ITGB2: variants seen among roughly 807,000 people sequenced by gnomAD.
ITGB2 encodes integrin subunit beta 2.
A neutral mutation model predicts 86.8 loss-of-function variants in ITGB2; 56 were observed. That is an observed-to-expected ratio of 0.65 (90% CI 0.52 to 0.81). The LOEUF is 0.81. Ranked by LOEUF, ITGB2 falls within the 30% of genes least tolerant of loss-of-function variation. ITGB2 has a pLI of 0.00. For missense variants in ITGB2, 948 were observed against 1,061.2 expected (o/e 0.89, Z 1.48); for synonymous variants, 457 against 450.4 (o/e 1.01, Z -0.19).
At chr21:44,922,669 A>G (rs951569533), upstream of ITGB2, among the ~76,000 whole-genome samples, 2 of 151,916 alleles carry the variant, frequency 1.3e-5, no homozygotes, top group Non-Finnish European at 2.9e-5. Flanking sequence ...AAAAAAAAAA[A>G]AAAAAAAAGG....
At chr21:44,917,516 G>A (rs1340723796) in intron 1 of ITGB2, among the ~76,000 whole-genome samples, 1 of 152,200 alleles carries the variant, frequency 6.6e-6, no homozygotes, top group Non-Finnish European at 1.5e-5. Flanking sequence ...TGGCTTTCTT[G>A]TTCCCACTGT....
At chr21:44,907,542 C>T (rs886845488) in intron 3 of ITGB2, among the ~76,000 whole-genome samples, 2 of 152,216 alleles carry the variant, frequency 1.3e-5, no homozygotes, top group African/African-American at 2.4e-5. Context: ...GGGCCAAGCC[C>T]CTCAAAGTTT....
At chr21:44,920,949 C>T (rs1462665650), upstream of ITGB2, 1 of 152,366 alleles carries the variant, frequency 6.6e-6, no homozygotes, top group African/African-American at 2.4e-5. Context: ...ACTTCCTGTT[C>T]CTCTCAGCTC....
intron 5 of ITGB2, 170 bp from the exon 6 acceptor site, chr21:44,901,903 A>T: frequency 1.4e-6 from 1 of 711,464 alleles, no homozygotes; most frequent in Admixed American, 2.9e-5. Flanking sequence ...GTGCAAGCAC[A>T]CATGTGAACG....
chr21:44,889,941 A>C, intron 12 of ITGB2, 37 bp downstream of exon 12: 1 of 1,611,266 alleles, frequency 6.2e-7, no homozygotes. Context: ...TCTGTGCCGC[A>C]GGACGGCCGT....
At position 44,886,409 on chromosome 21, in the gene ITGB2, C is replaced by T. The variant is rs1421408165; in HGVS notation, c.2269G>A (p.Ala757Thr). Residue 757 changes from alanine to threonine, a missense_variant, in exon 16 of 16, where the codon GCC becomes ACC. Ala to Thr is a moderately conservative substitution (Grantham distance 58). Transcript: ENST00000652462. ...TTGGGGTTCATGACCGTCGTGGTGG[C>T]GCTCTTGAAAAGGGGATTATCCTGG... The part of the protein sequence containing the change: ...WNNDNPLFKS[A>T]TTTVMNPKFA... 3 of 1,614,110 alleles carry T rather than the reference C, an allele frequency of 1.9e-6. No homozygotes were observed. Among genetic ancestry groups the T allele is most frequent in the South Asian group, 1.1e-5 (1 of 91,082 alleles).
intron 2 of ITGB2, 127 bp from the exon 3 acceptor site, chr21:44,910,499 G>A (rs1455166140): frequency 8.4e-6 from 13 of 1,546,736 alleles, no homozygotes; most frequent in African/African-American, 4.1e-5. Context: ...AGGAGACCCC[G>A]CATTCGCCAC....
At chr21:44,906,048 C>T (rs761995230) in intron 4 of ITGB2, among the ~76,000 whole-genome samples, 13 of 152,064 alleles carry the variant, frequency 8.5e-5, no homozygotes, top group Non-Finnish European at 1.8e-4. Flanking sequence ...GGTCACAGGT[C>T]GGTGGCCACA....
At chr21:44,915,617 A>G (rs1267348171) in intron 1 of ITGB2, among the ~76,000 whole-genome samples, 1 of 152,200 alleles carries the variant, frequency 6.6e-6, no homozygotes, top group Admixed American at 6.5e-5. Flanking sequence ...CCACCTTTTA[A>G]GCCAAAAGCC....
chr21:44,918,139 G>T (rs1188385209), intron 1 of ITGB2, among the ~76,000 whole-genome samples: 1 of 152,266 alleles, frequency 6.6e-6, no homozygotes, highest in Non-Finnish European at 1.5e-5. Flanking sequence ...TTGAGTTGGG[G>T]CTTCCCAGCG....
At chr21:44,889,517 C>T in intron 12 of ITGB2, 22 bp from the exon 13 acceptor site, 1 of 1,547,110 alleles carries the variant, frequency 6.5e-7, no homozygotes, top group East Asian at 2.4e-5. Flanking sequence ...GGCAGCACGG[C>T]TAAGCTCCTG....
chr21:44,888,886 G>A lies in ITGB2; in HGVS notation c.1887C>T (p.Ala629=), dbSNP rs1019533391. ...PSPCGKYISC[A]ECLKFEKGPF... ...GGCCCTTTTCGAACTTCAGGCACTC[G>A]GCGCAGGAGCTGCGGGGAGCCAGGT... The change falls in exon 14 of 16, where the codon GCC becomes GCT. Residue 629 remains alanine (A), a synonymous_variant. Coordinates refer to ENST00000652462, the MANE Select transcript of ITGB2 (RefSeq NM_000211.5). 19 of 1,605,224 alleles carry A rather than the reference G, an allele frequency of 1.2e-5. No homozygotes were observed. The highest frequency in any genetic ancestry group is 1.4e-5 in the Non-Finnish European group (17 of 1,179,864).
At position 44,886,233 on chromosome 21, in the gene ITGB2, G is replaced by T. The variant is rs2083696164; in HGVS notation, c.*135C>A. ...CAGAAGCACCCGGCCGGCCATGGCT[G>T]TCATTTTGAGGGCGGAAAATAACTG... is the stretch of plus-strand genomic sequence containing the variant. On this transcript the variant is annotated 3_prime_UTR_variant, in exon 16 of 16. Coordinates refer to ENST00000652462, the MANE Select transcript of ITGB2 (RefSeq NM_000211.5). The T allele has an allele frequency of 4.5e-6, 4 of 896,762 alleles. No individual in the cohort carries two copies. Among genetic ancestry groups the T allele is most frequent in the Admixed American group, 1.8e-5 (1 of 54,314 alleles). The allele number at this position is 896,762 out of a possible 1,614,324, so 55.6% of individuals were successfully genotyped here. A position where few individuals can be genotyped will look rare whatever the true frequency, so the allele number is the denominator to read the frequency against.
At chr21:44,896,458 G>A (rs1008952458) in intron 8 of ITGB2, among the ~76,000 whole-genome samples, 2 of 152,200 alleles carry the variant, frequency 1.3e-5, no homozygotes, top group Non-Finnish European at 2.9e-5. Flanking sequence ...GGAAGATTGC[G>A]GCATCATTTC....
intron 8 of ITGB2, among the ~76,000 whole-genome samples, chr21:44,898,670 G>A (rs1234111483): frequency 3.9e-5 from 6 of 152,324 alleles, no homozygotes; most frequent in South Asian, 4.1e-4. Context: ...ATCCCACTCC[G>A]CACTCCAAGC....
intron 1 of ITGB2, among the ~76,000 whole-genome samples, chr21:44,917,982 C>A (rs766058620): frequency 2.0e-5 from 3 of 152,194 alleles, no homozygotes; most frequent in African/African-American, 7.2e-5. Flanking sequence ...GGCTCGGAAT[C>A]GACAAATGCA....
chr21:44,918,011 C>T (rs930307789), intron 1 of ITGB2, among the ~76,000 whole-genome samples: 2 of 152,214 alleles, frequency 1.3e-5, no homozygotes, highest in African/African-American at 2.4e-5. Context: ...ATCAATGCCC[C>T]GTGTCAGTGC....
intron 8 of ITGB2, among the ~76,000 whole-genome samples, chr21:44,897,709 G>T (rs893049574): frequency 1.3e-5 from 2 of 152,164 alleles, no homozygotes; most frequent in African/African-American, 4.8e-5. Context: ...AACGGGGCAC[G>T]TGGCTGTGTA....
chr21:44,900,670 C>T (rs1170135860), intron 6 of ITGB2, among the ~76,000 whole-genome samples, 195 bp from the exon 7 acceptor site: 1 of 152,146 alleles, frequency 6.6e-6, no homozygotes, highest in East Asian at 1.9e-4. Flanking sequence ...CCTCAAACAC[C>T]CCGTGCACAT....
Sources: allele counts gnomAD v4.1 joint callset (sites outside exome capture counted in the v4.1 genomes callset), GRCh38; gene constraint gnomAD v4.1.1; transcripts MANE v1.5; gene names NCBI Gene and HGNC (gene_info 2026-07-23, HGNC 2026-07-21).